The following GRIN3A variants were observed in gnomAD, a reference collection of about 807,000 sequenced individuals.
GRIN3A encodes glutamate ionotropic receptor NMDA type subunit 3A.
Under a neutral mutation model 92.4 loss-of-function variants are expected in GRIN3A, and 47 were observed. The observed-to-expected ratio is 0.51, with a 90% confidence interval of 0.40 to 0.65. The LOEUF (loss-of-function observed/expected upper bound fraction) is 0.65. GRIN3A is among the 30% of genes least tolerant of loss of function. The pLI is 0.00. For missense variants in GRIN3A, 1,324 were observed against 1,393.1 expected, an observed-to-expected ratio of 0.95 and a Z score of 0.79; for synonymous variants, 527 against 540.6, an observed-to-expected ratio of 0.97 and a Z score of 0.35.
At chr9:101,726,701 T>G (rs956476199) in intron 1 of GRIN3A, among the ~76,000 whole-genome samples, 1 of 150,574 alleles carries the variant, frequency 6.6e-6, no homozygotes, top group African/African-American at 2.4e-5. Context: ...TATTTAAAAA[T>G]TTTTAAAATT....
In GRIN3A at chr9:101,737,744, T is replaced by TC; in HGVS notation, c.235dup (p.Asp79GlyfsTer2). The TC allele has an allele frequency of 6.5e-7, 1 of 1,528,080 alleles. No individual in the cohort carries two copies. Among genetic ancestry groups the TC allele is most frequent in the Non-Finnish European group, 8.7e-7 (1 of 1,143,502 alleles). 94.7% of individuals were successfully genotyped at this position (1,528,080 alleles called of 1,614,324 possible). A position where few individuals can be genotyped will look rare whatever the true frequency, so the allele number is the denominator to read the frequency against. On this transcript the variant is annotated frameshift_variant, in exon 1 of 9. Transcript: ENST00000361820. LOFTEE classifies it high-confidence loss of function. ...CCGCCTAGTCCCTGGCTCCGGCTCA[T>TC]CCCTCTGGGCTCCTGCTCGGCTGTC...
intron 1 of GRIN3A, among the ~76,000 whole-genome samples, chr9:101,690,930 G>A (rs1829608148): frequency 6.6e-6 from 1 of 151,860 alleles, no homozygotes; most frequent in Non-Finnish European, 1.5e-5. Context: ...ATATGTTCCA[G>A]GCCATTAAAG....
intron 1 of GRIN3A, among the ~76,000 whole-genome samples, chr9:101,694,352 A>G (rs1018116081): frequency 8.0e-5 from 12 of 149,280 alleles, no homozygotes; most frequent in Non-Finnish European, 1.6e-4. Flanking sequence ...CATGCATATT[A>G]CATTCTTTGA....
At chr9:101,584,454 C>T (rs567856151) in intron 6 of GRIN3A, among the ~76,000 whole-genome samples, 6 of 152,322 alleles carry the variant, frequency 3.9e-5, no homozygotes, top group Admixed American at 1.3e-4. Context: ...AAATTATGCA[C>T]TATACAACTA....
At chr9:101,715,447 G>A (rs1196828196) in intron 1 of GRIN3A, among the ~76,000 whole-genome samples, 1 of 152,080 alleles carries the variant, frequency 6.6e-6, no homozygotes, top group Non-Finnish European at 1.5e-5. Flanking sequence ...CTTAAGGCTA[G>A]GAGTTCAAAA....
chr9:101,656,963 C>T (rs566565983), intron 3 of GRIN3A, among the ~76,000 whole-genome samples: 67 of 151,794 alleles, frequency 4.4e-4, no homozygotes, highest in Non-Finnish European at 8.8e-4. Flanking sequence ...TTCATCAAAC[C>T]GCCCAGTGAT....
intron 1 of GRIN3A, among the ~76,000 whole-genome samples, chr9:101,724,527 G>A (rs1830060671): frequency 1.3e-5 from 2 of 152,166 alleles, no homozygotes; most frequent in Non-Finnish European, 2.9e-5. Context: ...AGCAGGCTCC[G>A]GCCTTGGCCA....
At chr9:101,595,047 T>G (rs1212481748) in intron 6 of GRIN3A, 18 of 926,596 alleles carry the variant, frequency 1.9e-5, no homozygotes, top group South Asian at 1.9e-5. Flanking sequence ...CCGGGGGCCC[T>G]GGTCGAGCAA....
chr9:101,627,001 G>A (rs1828642142), intron 4 of GRIN3A, among the ~76,000 whole-genome samples: 3 of 152,296 alleles, frequency 2.0e-5, no homozygotes, highest in Admixed American at 2.0e-4. Flanking sequence ...GGAACTGCTG[G>A]GGACTGCAGC....
intron 2 of GRIN3A, among the ~76,000 whole-genome samples, chr9:101,671,811 T>C (rs551724589): frequency 1.3e-5 from 2 of 152,166 alleles, no homozygotes; most frequent in East Asian, 3.9e-4. Flanking sequence ...TCCAAGTCAT[T>C]AGAGAGAAAC....
intron 1 of GRIN3A, among the ~76,000 whole-genome samples, chr9:101,726,024 A>C (rs963608789): frequency 3.3e-5 from 5 of 152,150 alleles, no homozygotes; most frequent in African/African-American, 1.2e-4. Flanking sequence ...CCCTGCTAGA[A>C]TGGGAGTTCT....
chr9:101,595,319 CTT>C (rs35592131), intron 6 of GRIN3A, among the ~76,000 whole-genome samples: 1 of 146,902 alleles, frequency 6.8e-6, no homozygotes, highest in African/African-American at 2.5e-5. Context: ...CTACTTATTT[CTT>C]TTTTTTTTTT....
chr9:101,712,213 T>C (rs1829887234), intron 1 of GRIN3A, among the ~76,000 whole-genome samples: 1 of 152,188 alleles, frequency 6.6e-6, no homozygotes, highest in Non-Finnish European at 1.5e-5. Context: ...TTCATTAAAA[T>C]TTCACTCTTC....
At chr9:101,619,484 A>G (rs1420434109) in intron 5 of GRIN3A, among the ~76,000 whole-genome samples, 1 of 152,242 alleles carries the variant, frequency 6.6e-6, no homozygotes, top group African/African-American at 2.4e-5. Flanking sequence ...CTTATGTGCC[A>G]AACAAGTTCC....
chr9:101,666,598 T>TTTG (rs1829239463), intron 3 of GRIN3A, among the ~76,000 whole-genome samples: 1 of 151,926 alleles, frequency 6.6e-6, no homozygotes, highest in African/African-American at 2.4e-5. Flanking sequence ...ATGACAGAAG[T>TTTG]TTACCTATGT....
chr9:101,652,678 C>T (rs1407871), intron 3 of GRIN3A, among the ~76,000 whole-genome samples: 71,441 of 151,798 alleles, frequency 0.47, 17,042 homozygotes, highest in Middle Eastern at 0.54. Flanking sequence ...ACTAGGGACA[C>T]CTTGGACTGG....
At position 101,670,211 on chromosome 9, in the gene GRIN3A, A is replaced by C. The variant is rs762264033; in HGVS notation, c.2201T>G (p.Ile734Ser). The C allele has an allele frequency of 6.2e-7, 1 of 1,613,928 alleles. No homozygotes were observed. Among genetic ancestry groups the C allele is most frequent in the African/African-American group, 1.3e-5 (1 of 74,908 alleles). The change falls in exon 3 of 9, where the codon ATC becomes AGC. Residue 734 changes from isoleucine (I) to serine (S), a missense_variant. Transcript: ENST00000361820. ...YALLFGRTVA[I>S]KPPKCWTGRF... The stretch of plus-strand genomic sequence containing the variant: ...TCCAGTCCAACATTTTGGAGGTTTG[A>C]TGGCCACTGTTCTGCCAAACAAGAG...
At chr9:101,606,906 A>AT (rs536780165) in intron 6 of GRIN3A, among the ~76,000 whole-genome samples, 10,042 of 86,128 alleles carry the variant, frequency 0.12, 716 homozygotes, top group East Asian at 0.17. Context: ...AAAAAATTAC[A>AT]TTTTTTTTTT....
chr9:101,663,965 G>A (rs1829207982), intron 3 of GRIN3A, among the ~76,000 whole-genome samples: 1 of 151,726 alleles, frequency 6.6e-6, no homozygotes, highest in Admixed American at 6.6e-5. Context: ...CTAATTTTGA[G>A]TGTTCATGTA....
Sources: gnomAD v4.1 joint callset for allele counts (sites outside exome capture counted in the v4.1 genomes callset) on GRCh38, gnomAD v4.1.1 for gene constraint, MANE v1.5 for transcripts, NCBI Gene and HGNC (gene_info 2026-07-23, HGNC 2026-07-21) for gene names.